TIAM1: variants seen among roughly 807,000 people sequenced by gnomAD.
The protein encoded by TIAM1 is TIAM Rac1 associated GEF 1.
A neutral mutation model predicts 163.5 loss-of-function variants in TIAM1; 65 were observed. That is an observed-to-expected ratio of 0.40 (90% CI 0.33 to 0.49). TIAM1 has a LOEUF of 0.49. Among genes scored for constraint, TIAM1 ranks in the 20% least tolerant of loss-of-function variants. The pLI, the probability that TIAM1 is intolerant of heterozygous loss-of-function variation, is 0.77. For missense variants in TIAM1, 1,789 were observed against 2,044.7 expected (o/e 0.87, Z 2.41); for synonymous variants, 833 against 810.1 (o/e 1.03, Z -0.48).
intron 1 of TIAM1, among the ~76,000 whole-genome samples, chr21:31,489,522 G>A (rs2046392492): frequency 8.0e-6 from 1 of 125,660 alleles, no homozygotes; most frequent in African/African-American, 3.2e-5. Flanking sequence ...AGGGAAGGAA[G>A]GGAGGGAGGG....
chr21:31,391,980 T>G (rs1202834808), intron 2 of TIAM1, among the ~76,000 whole-genome samples: 1 of 152,242 alleles, frequency 6.6e-6, no homozygotes, highest in Admixed American at 6.5e-5. Context: ...CAGTACTTAA[T>G]ACATTACATG....
At chr21:31,317,416 G>GTA (rs2075164574) in intron 2 of TIAM1, among the ~76,000 whole-genome samples, 1 of 152,004 alleles carries the variant, frequency 6.6e-6, no homozygotes, top group South Asian at 2.1e-4. Flanking sequence ...TCGCGCCATT[G>GTA]TACTCCAGCC....
At chr21:31,334,289 CTTT>C (rs11323293) in intron 2 of TIAM1, among the ~76,000 whole-genome samples, 11 of 144,910 alleles carry the variant, frequency 7.6e-5, no homozygotes, top group African/African-American at 5.0e-5. Context: ...ACCTCCCCGC[CTTT>C]TTTTTTTTTT....
At chr21:31,450,065 G>A (rs889727897) in intron 2 of TIAM1, among the ~76,000 whole-genome samples, 5 of 152,270 alleles carry the variant, frequency 3.3e-5, no homozygotes, top group Non-Finnish European at 5.9e-5. Flanking sequence ...GGAGCTGCTC[G>A]TGAATCGTGC....
intron 1 of TIAM1, chr21:31,558,844 A>T (rs1202103687): frequency 1.3e-5 from 2 of 151,936 alleles, no homozygotes; most frequent in African/African-American, 2.4e-5. Flanking sequence ...CGGCACGGGC[A>T]CCGAGGCTCC....
At chr21:31,430,094 T>C (rs539755653) in intron 2 of TIAM1, among the ~76,000 whole-genome samples, 14 of 151,644 alleles carry the variant, frequency 9.2e-5, no homozygotes, top group African/African-American at 3.4e-4. Context: ...GTAATCCGGC[T>C]ACTCCGGAGG....
In TIAM1 at chr21:31,141,500, C is replaced by T; in HGVS notation, c.3480G>A (p.Lys1160=). Reference sequence around the variant, plus strand: ...AGAATGCCTTGAAAGCCGTGTCTGTCTTGGCTGGCAGGGTTTAAACACAGG... The same window carrying T: ...AGAATGCCTTGAAAGCCGTGTCTGTTTTGGCTGGCAGGGTTTAAACACAGG... ...TKVPKVLVKA[K]TDTAFKAFLD... Residue 1160 remains lysine, a synonymous_variant, in exon 21 of 28, where the codon AAG becomes AAA. Transcript: ENST00000541036. This position sits in a 1 kb window ranked among gnomAD's most constrained non-coding sequence, Gnocchi z 4.7. The T allele has an allele frequency of 1.2e-6, 2 of 1,613,796 alleles. No homozygotes were observed. The highest frequency in any genetic ancestry group is 4.5e-5 in the East Asian group (2 of 44,872).
intron 2 of TIAM1, among the ~76,000 whole-genome samples, chr21:31,362,289 T>C (rs1224503785): frequency 5.3e-5 from 8 of 151,982 alleles, no homozygotes; most frequent in Non-Finnish European, 5.9e-5. Flanking sequence ...GGATGAGTTA[T>C]GGACATGACA....
chr21:31,470,158 C>T (rs1401704028), intron 1 of TIAM1, among the ~76,000 whole-genome samples: 3 of 151,310 alleles, frequency 2.0e-5, no homozygotes, highest in Non-Finnish European at 1.5e-5. Flanking sequence ...GTGTGTGCCA[C>T]CACACCTGGC....
intron 4 of TIAM1, among the ~76,000 whole-genome samples, chr21:31,256,012 C>G (rs970370770): frequency 6.6e-6 from 1 of 152,176 alleles, no homozygotes; most frequent in African/African-American, 2.4e-5. Context: ...ATACATACAA[C>G]AGCTGTGGGC....
intron 2 of TIAM1, among the ~76,000 whole-genome samples, chr21:31,294,802 T>G (rs1427657464): frequency 6.6e-6 from 1 of 152,150 alleles, no homozygotes; most frequent in African/African-American, 2.4e-5. Context: ...AGCCTTCTGG[T>G]TCTGCGGCTG....
intron 4 of TIAM1, 136 bp from the exon 5 acceptor site, chr21:31,252,325 G>A (rs1038816842): frequency 3.2e-6 from 3 of 933,814 alleles, no homozygotes; most frequent in Non-Finnish European, 1.6e-6. Flanking sequence ...CACTCCTGAC[G>A]GCTCCTGGAC....
chr21:31,165,100 C>T, intron 15 of TIAM1, 35 bp from the exon 16 acceptor site: 1 of 1,606,128 alleles, frequency 6.2e-7, no homozygotes, highest in Non-Finnish European at 8.5e-7. Context: ...TGTGGGTCAA[C>T]ATGGACAGTA....
At position 31,536,984 on chromosome 21, in the gene TIAM1, C is replaced by T. The variant is rs761900704; in HGVS notation, c.-422+21943G>A. On this transcript the variant is annotated intron_variant, in intron 1 of 28. Transcript: ENST00000286827. ...AATCCAAAGTGTTGGCAGGACTGCACTCCCTCAAGAGACTCTGGGGAAGGA... is the reference window on the plus strand; with the variant it reads ...AATCCAAAGTGTTGGCAGGACTGCATTCCCTCAAGAGACTCTGGGGAAGGA... Among the ~76,000 whole-genome samples the T allele has an allele frequency of 5.9e-5, 9 of 152,354 alleles. No individual in the cohort carries two copies. In the East Asian group the frequency reaches 1.7e-3, roughly 29 times the overall value.
intron 25 of TIAM1, 93 bp downstream of exon 25, chr21:31,130,120 G>GA: frequency 1.2e-6 from 1 of 822,854 alleles, no homozygotes; most frequent in Non-Finnish European, 1.9e-6. Context: ...AAAGACGGTA[G>GA]AAGAGTTAGA....
At chr21:31,446,651 G>A (rs546295002) in intron 2 of TIAM1, among the ~76,000 whole-genome samples, 2 of 152,200 alleles carry the variant, frequency 1.3e-5, no homozygotes, top group South Asian at 4.1e-4. Context: ...CTGACATAAC[G>A]ATGGGAGACA....
At chr21:31,315,275 G>A (rs916927098) in intron 2 of TIAM1, among the ~76,000 whole-genome samples, 10 of 152,120 alleles carry the variant, frequency 6.6e-5, no homozygotes, top group Admixed American at 1.3e-4. Context: ...AGCACTTTGG[G>A]AGGCCGAAGC....
intron 1 of TIAM1, among the ~76,000 whole-genome samples, chr21:31,465,338 C>T (rs1161312793): frequency 6.6e-6 from 1 of 151,910 alleles, no homozygotes; most frequent in African/African-American, 2.4e-5. Context: ...AACGATCCTC[C>T]CACCGCAGCC....
chr21:31,359,866 G>A (rs76436667), intron 2 of TIAM1, among the ~76,000 whole-genome samples: 1,973 of 119,630 alleles, frequency 0.016, 29 homozygotes, highest in Non-Finnish European at 0.026. Flanking sequence ...GGAAGGAAGG[G>A]AGGGAGGGAG....
Sources: gnomAD v4.1 joint callset for allele counts (sites outside exome capture counted in the v4.1 genomes callset) on GRCh38, gnomAD v4.1.1 for gene constraint, Gnocchi (gnomAD v3.1) non-coding constraint, MANE v1.5 for transcripts, NCBI Gene and HGNC (gene_info 2026-07-23, HGNC 2026-07-21) for gene names.